The following FAAH2 variants were observed in gnomAD, a reference collection of about 807,000 sequenced individuals.
The protein encoded by FAAH2 is fatty-acid amide hydrolase 2.
Under a neutral mutation model 36.9 loss-of-function variants are expected in FAAH2, and 60 were observed. The observed-to-expected ratio is 1.63, with a 90% CI of 1.32 to 2.02. The LOEUF (loss-of-function observed/expected upper bound fraction) is 2.02. Ranked by LOEUF, FAAH2 falls within the 30% of genes most tolerant of loss-of-function variation. FAAH2 has a pLI of 0.00. For synonymous variants in FAAH2, 214 were observed against 143.8 expected (o/e 1.49, Z -3.49); for missense variants, 689 against 397.5 (o/e 1.73, Z -6.23).
At chrX:57,475,780 G>A (rs2057256031) in intron 10 of FAAH2, among the ~76,000 whole-genome samples, 2 of 111,866 alleles carry the variant, frequency 1.8e-5, no homozygotes, top group Admixed American at 1.9e-4. Flanking sequence ...GAATTACTTT[G>A]GGCAATATGG....
At chrX:57,261,573 A>AT in the FAAH2 span, among the ~76,000 whole-genome samples, 2 of 107,933 alleles carry the variant, frequency 1.9e-5, no homozygotes, top group Non-Finnish European at 3.8e-5. Flanking sequence ...AAAAAAAAAA[A>AT]AAGAAAAAAA....
At chrX:57,365,779 C>T (rs1434621668) in intron 5 of FAAH2, among the ~76,000 whole-genome samples, 1 of 111,827 alleles carries the variant, frequency 8.9e-6, no homozygotes, top group African/African-American at 3.3e-5. Context: ...CATTGTCGTC[C>T]TATGTTGAAT....
chrX:57,481,213 T>C (rs1208527069), intron 10 of FAAH2, among the ~76,000 whole-genome samples: 1 of 111,283 alleles, frequency 9.0e-6, no homozygotes, highest in Non-Finnish European at 1.9e-5. Flanking sequence ...AGGAGTTTGT[T>C]ATTACCTACA....
chrX:57,176,448 C>G, the FAAH2 span, among the ~76,000 whole-genome samples: 5 of 111,020 alleles, frequency 4.5e-5, no homozygotes, highest in Admixed American at 3.8e-4. Context: ...TTTAAATTAT[C>G]CATTTCATTA....
chrX:57,480,038 T>C (rs750520898), intron 10 of FAAH2, among the ~76,000 whole-genome samples: 1 of 111,396 alleles, frequency 9.0e-6, no homozygotes, highest in South Asian at 3.8e-4. Context: ...CCTCGACACA[T>C]ACACCCTCCC....
At chrX:57,364,934 T>C (rs2147154119) in intron 5 of FAAH2, among the ~76,000 whole-genome samples, 1 of 111,851 alleles carries the variant, frequency 8.9e-6, no homozygotes, top group South Asian at 3.7e-4. Flanking sequence ...TTATTATATA[T>C]TTTTTAAAAT....
At chrX:57,340,961 G>GA (rs1346882227) in intron 4 of FAAH2, among the ~76,000 whole-genome samples, 1,546 of 102,975 alleles carry the variant, frequency 0.015, 8 homozygotes, top group African/African-American at 0.03. Flanking sequence ...AAAGTTGATG[G>GA]AAAAAAAAAA....
At chrX:57,452,699 G>T (rs2056806677) in intron 10 of FAAH2, among the ~76,000 whole-genome samples, 1 of 111,939 alleles carries the variant, frequency 8.9e-6, no homozygotes. Context: ...GAATAACAGA[G>T]TAAGAAGCTC....
At chrX:57,157,478 G>C in the FAAH2 span, among the ~76,000 whole-genome samples, 4 of 111,483 alleles carry the variant, frequency 3.6e-5, no homozygotes. Context: ...AGTCTGCCTG[G>C]TGTTGCATTC....
intron 7 of FAAH2, among the ~76,000 whole-genome samples, chrX:57,400,288 G>C (rs1369183972): frequency 8.9e-6 from 1 of 112,155 alleles, no homozygotes; most frequent in African/African-American, 3.2e-5. Flanking sequence ...TTCAGATACT[G>C]AGACTGCTAC....
intron 10 of FAAH2, among the ~76,000 whole-genome samples, chrX:57,451,522 C>T (rs1335260922): frequency 1.8e-5 from 2 of 111,495 alleles, no homozygotes; most frequent in Non-Finnish European, 3.8e-5. Context: ...CAAAGGAAGG[C>T]TTTCTGGAAT....
chrX:57,229,591 AATAG>A, the FAAH2 span, among the ~76,000 whole-genome samples: 4 of 112,064 alleles, frequency 3.6e-5, no homozygotes, highest in African/African-American at 1.3e-4. Flanking sequence ...CAAAGGGATC[AATAG>A]AATACCTGGA....
At chrX:57,442,593 C>T (rs1380003050) in intron 8 of FAAH2, among the ~76,000 whole-genome samples, 2 of 111,785 alleles carry the variant, frequency 1.8e-5, no homozygotes, top group Non-Finnish European at 3.8e-5. Flanking sequence ...TTAATTGGAG[C>T]ATTTAGCCCA....
At chrX:57,363,409 G>T (rs1327964955) in intron 5 of FAAH2, among the ~76,000 whole-genome samples, 2 of 111,543 alleles carry the variant, frequency 1.8e-5, no homozygotes, top group Non-Finnish European at 3.8e-5. Context: ...TGATTTTTGT[G>T]CATTGATTTT....
chrX:57,291,466 T>C (rs1188521499), intron 1 of FAAH2, among the ~76,000 whole-genome samples: 3 of 112,198 alleles, frequency 2.7e-5, no homozygotes, highest in Non-Finnish European at 5.7e-5. Context: ...GTCTTTTTGT[T>C]CCAGATGAAT....
At chrX:57,392,986 G>A (rs1196192811) in intron 7 of FAAH2, 3 of 921,111 alleles carry the variant, frequency 3.3e-6, no homozygotes, top group Non-Finnish European at 4.7e-6. Context: ...TCCTCAACTG[G>A]GAGCTTGAGG....
chrX:57,260,967 G>C, the FAAH2 span, among the ~76,000 whole-genome samples: 7,946 of 111,369 alleles, frequency 0.071, 696 homozygotes, highest in African/African-American at 0.25. Context: ...TGCTAAAACA[G>C]TTTTAAAACT....
chrX:57,404,636 G>A (rs1199300632), intron 7 of FAAH2, among the ~76,000 whole-genome samples: 1 of 111,717 alleles, frequency 9.0e-6, no homozygotes, highest in Admixed American at 9.5e-5. Flanking sequence ...ATGCAGCATA[G>A]ATCTTCCTTA....
intron 7 of FAAH2, among the ~76,000 whole-genome samples, chrX:57,390,644 G>A (rs1041781821): frequency 1.8e-5 from 2 of 111,283 alleles, no homozygotes; most frequent in Admixed American, 1.9e-4. Flanking sequence ...CCACGTGGTT[G>A]CAAAGGGCAT....
Sources: allele counts gnomAD v4.1 joint callset (sites outside exome capture counted in the v4.1 genomes callset), GRCh38; gene constraint gnomAD v4.1.1; transcripts MANE v1.5; gene names NCBI Gene and HGNC (gene_info 2026-07-23, HGNC 2026-07-21).